PTPRN2: variants seen among roughly 807,000 people sequenced by gnomAD.
PTPRN2 encodes protein tyrosine phosphatase receptor type N2, also known as receptor-type tyrosine-protein phosphatase N2.
In PTPRN2, 74 loss-of-function variants were observed where a neutral mutation model predicts 118.8. The observed-to-expected ratio is 0.62, with a 90% CI of 0.52 to 0.76. The LOEUF (loss-of-function observed/expected upper bound fraction) is 0.76. Ranked by LOEUF, PTPRN2 falls within the 30% of genes least tolerant of loss-of-function variation. The pLI is 0.00. For synonymous variants in PTPRN2, 641 were observed against 608.0 expected (o/e 1.05, Z -0.80); for missense variants, 1,481 against 1,394.4 (o/e 1.06, Z -0.99).
chr7:157,659,092 C>T (rs529567238), intron 13 of PTPRN2, among the ~76,000 whole-genome samples: 21 of 151,826 alleles, frequency 1.4e-4, no homozygotes, highest in South Asian at 2.1e-4. Context: ...CCAAGCCCAC[C>T]GGCACCACAC....
chr7:157,958,440 G>C (rs1228025006), intron 11 of PTPRN2, among the ~76,000 whole-genome samples: 1 of 152,112 alleles, frequency 6.6e-6, no homozygotes, highest in African/African-American at 2.4e-5. Flanking sequence ...ATCTAAATGA[G>C]AAAAGAAGAC....
chr7:157,576,019 G>GT (rs767104714), intron 19 of PTPRN2, among the ~76,000 whole-genome samples: 4 of 152,052 alleles, frequency 2.6e-5, no homozygotes, highest in Non-Finnish European at 4.4e-5. Context: ...ATTTCTTCCT[G>GT]TAAGACAGAG....
intron 12 of PTPRN2, among the ~76,000 whole-genome samples, chr7:157,750,205 C>T (rs557865551): frequency 1.2e-3 from 185 of 152,222 alleles, no homozygotes; most frequent in African/African-American, 4.2e-3. Flanking sequence ...ATTATATCAT[C>T]TTTTAGAGAA....
intron 11 of PTPRN2, among the ~76,000 whole-genome samples, chr7:158,012,676 T>C (rs1806136542): frequency 6.6e-6 from 1 of 152,202 alleles, no homozygotes; most frequent in Non-Finnish European, 1.5e-5. Flanking sequence ...CATGAAGCCC[T>C]CCTTTCTCCC....
In PTPRN2 at chr7:157,618,122, G is replaced by C. The variant is rs910995355; in HGVS notation, c.2344+3240C>G. ...TCCTTCTCCTTTGGGGGCTCATTCC[G>C]ATCAGGGTGCATCTGGGAAGTCGGG... is the stretch of plus-strand genomic sequence containing the variant. On this transcript the variant is annotated intron_variant, in intron 15 of 22. Transcript: ENST00000389418. This position sits in a 1 kb window ranked among gnomAD's most constrained non-coding sequence, Gnocchi z 4.2. 2.6e-5 allele frequency: 4 copies of C among 152,212 alleles called. No homozygotes were observed. The highest frequency in any genetic ancestry group is 4.4e-5 in the Non-Finnish European group (3 of 68,060). The allele number at this position is 152,212 out of a possible 1,614,324, so 9.4% of individuals were successfully genotyped here. A position where few individuals can be genotyped will look rare whatever the true frequency, so the allele number is the denominator to read the frequency against.
At chr7:158,149,310 G>T (rs1430538789) in intron 6 of PTPRN2, among the ~76,000 whole-genome samples, 2 of 152,114 alleles carry the variant, frequency 1.3e-5, no homozygotes, top group Non-Finnish European at 1.5e-5. Flanking sequence ...TCATCAATGT[G>T]TAAATCACTG....
At chr7:157,710,719 G>A (rs1000096547) in intron 12 of PTPRN2, among the ~76,000 whole-genome samples, 20 of 152,286 alleles carry the variant, frequency 1.3e-4, no homozygotes, top group Admixed American at 7.2e-4. Context: ...ACTGCCTGCC[G>A]CCTGGGCACA....
chr7:157,596,809 GC>G lies in PTPRN2; in HGVS notation c.2419-1495del, dbSNP rs1476800331. Among the ~76,000 whole-genome samples, 3 of 152,208 alleles carry G rather than the reference GC, an allele frequency of 2.0e-5. No homozygotes were observed. The East Asian group carries it at 5.8e-4, about 29-fold the overall frequency. On this transcript the variant is annotated intron_variant, in intron 16 of 22. Transcript: ENST00000389418. The surrounding 1 kb of genome is among the most constrained non-coding windows in gnomAD (Gnocchi z 4.2). Reference sequence around the variant, plus strand: ...GTCTAGGACTAAAATGGACTCTTTTGCTATCAGGGTTTGATTCGAGATTTAC... The same window carrying G: ...GTCTAGGACTAAAATGGACTCTTTTGTATCAGGGTTTGATTCGAGATTTAC...
chr7:158,492,602 G>A (rs1231888965), intron 1 of PTPRN2, among the ~76,000 whole-genome samples: 1 of 152,246 alleles, frequency 6.6e-6, no homozygotes, highest in Non-Finnish European at 1.5e-5. Context: ...TCCTTGGTGA[G>A]AGGCAAACAC....
intron 14 of PTPRN2, among the ~76,000 whole-genome samples, chr7:157,651,233 C>T (rs576323664): frequency 5.3e-5 from 8 of 152,296 alleles, no homozygotes; most frequent in African/African-American, 9.6e-5. Flanking sequence ...CCTAACTTTT[C>T]GTTTTTCACG....
intron 3 of PTPRN2, among the ~76,000 whole-genome samples, chr7:158,246,297 C>T (rs10235911): frequency 0.58 from 87,827 of 151,258 alleles, 26,000 homozygotes; most frequent in Non-Finnish European, 0.64. Flanking sequence ...ATGGAAATGG[C>T]AGCGTAATGG....
chr7:158,310,766 A>C (rs2151072882), intron 3 of PTPRN2, among the ~76,000 whole-genome samples: 1 of 148,070 alleles, frequency 6.8e-6, no homozygotes, highest in Non-Finnish European at 1.5e-5. Context: ...ACAGAGCGCA[A>C]GTCCCACGGA....
chr7:158,145,200 G>A (rs990370179), intron 6 of PTPRN2, among the ~76,000 whole-genome samples: 13 of 149,830 alleles, frequency 8.7e-5, no homozygotes, highest in Admixed American at 2.0e-4. Flanking sequence ...ACCACAGCTC[G>A]GCAAGGTTTC....
At chr7:157,913,466 C>T (rs1439874808) in intron 11 of PTPRN2, among the ~76,000 whole-genome samples, 1 of 152,216 alleles carries the variant, frequency 6.6e-6, no homozygotes, top group Non-Finnish European at 1.5e-5. Flanking sequence ...GAGCCCACAT[C>T]CCTGTCTTAT....
chr7:158,288,850 T>C (rs1199795426), intron 3 of PTPRN2, among the ~76,000 whole-genome samples: 1 of 152,228 alleles, frequency 6.6e-6, no homozygotes, highest in African/African-American at 2.4e-5. Flanking sequence ...GAATTTCTTG[T>C]AGGACAGCTC....
intron 12 of PTPRN2, among the ~76,000 whole-genome samples, chr7:157,819,798 C>A (rs1317802631): frequency 1.3e-5 from 2 of 151,988 alleles, no homozygotes; most frequent in Admixed American, 1.3e-4. Context: ...TTTGTGTATT[C>A]ATGAACACGC....
intron 12 of PTPRN2, among the ~76,000 whole-genome samples, chr7:157,754,203 G>C (rs1254436649): frequency 1.3e-5 from 2 of 152,240 alleles, no homozygotes; most frequent in African/African-American, 4.8e-5. Flanking sequence ...TGAGTCCTGG[G>C]AGAAGCAAAC....
intron 10 of PTPRN2, among the ~76,000 whole-genome samples, chr7:158,108,930 G>C (rs1039578582): frequency 6.6e-6 from 1 of 152,270 alleles, no homozygotes; most frequent in Non-Finnish European, 1.5e-5. Flanking sequence ...GGGCCAGTGA[G>C]TGAATGACAT....
chr7:158,295,562 C>A lies in PTPRN2; in HGVS notation c.277+21257G>T, dbSNP rs370330648. Among the ~76,000 whole-genome samples, 9 of 110,746 alleles carry A rather than the reference C, an allele frequency of 8.1e-5. 2 individuals carry two copies. In the South Asian group the frequency reaches 3.5e-3, roughly 43 times the overall value. The allele number at this position is 110,746 out of a possible 152,430, so 72.7% of individuals were successfully genotyped here. A position where few individuals can be genotyped will look rare whatever the true frequency, so the allele number is the denominator to read the frequency against. ...TTTCCGAGGGTCTAAGCCCATGGAG[C>A]TCGCTGACCCTGCCTGTCTGCCCAG... On this transcript the variant is annotated intron_variant, in intron 3 of 22. Coordinates refer to ENST00000389418, the MANE Select transcript of PTPRN2 (RefSeq NM_002847.5).
Sources: allele counts gnomAD v4.1 joint callset (sites outside exome capture counted in the v4.1 genomes callset), GRCh38; gene constraint gnomAD v4.1.1; non-coding constraint Gnocchi (gnomAD v3.1); transcripts MANE v1.5; gene names NCBI Gene and HGNC (gene_info 2026-07-23, HGNC 2026-07-21).